The following IMPG2 variants were observed in gnomAD, a reference collection of about 807,000 sequenced individuals.
IMPG2 encodes the protein interphotoreceptor matrix proteoglycan 2.
Under a neutral mutation model 129.2 loss-of-function variants are expected in IMPG2, and 91 were observed. The observed-to-expected ratio is 0.70, with a 90% CI of 0.59 to 0.84. IMPG2 has a LOEUF of 0.84. Among genes scored for constraint, IMPG2 ranks in the 40% least tolerant of loss-of-function variants. The pLI, the probability that IMPG2 is intolerant of heterozygous loss-of-function variation, is 0.00. For missense variants in IMPG2, 1,430 were observed against 1,461.7 expected (o/e 0.98, Z 0.35); for synonymous variants, 510 against 517.7 (o/e 0.99, Z 0.20).
chr3:101,280,445 C>A (rs1706880368), intron 4 of IMPG2, among the ~76,000 whole-genome samples: 1 of 152,132 alleles, frequency 6.6e-6, no homozygotes, highest in South Asian at 2.1e-4. Context: ...AGGGAAATAC[C>A]TTAGTTGCTC....
At chr3:101,290,569 A>C (rs1312792926) in intron 4 of IMPG2, among the ~76,000 whole-genome samples, 1 of 152,132 alleles carries the variant, frequency 6.6e-6, no homozygotes, top group African/African-American at 2.4e-5. Context: ...CACTTGGCCC[A>C]TATTTAAGTA....
chr3:101,298,227 T>G (rs1281289665), intron 3 of IMPG2, among the ~76,000 whole-genome samples: 3 of 149,800 alleles, frequency 2.0e-5, no homozygotes, highest in Non-Finnish European at 4.5e-5. Flanking sequence ...CAACCCCTGC[T>G]TTTTTTTTTC....
In IMPG2 at chr3:101,297,096, G is replaced by T. The variant is rs775401793; in HGVS notation, c.502-5586C>A. Among the ~76,000 whole-genome samples, 89 of 152,028 alleles carry T rather than the reference G, an allele frequency of 5.9e-4. 2 individuals carry two copies. The highest frequency in any genetic ancestry group is 2.6e-4 in the Non-Finnish European group (18 of 68,004). ...GGCTAATTTTTTGTATTTTAGTAGAGACAGGGTTTCACCATGTTAGCCGGG... is the reference window on the plus strand; with the variant it reads ...GGCTAATTTTTTGTATTTTAGTAGATACAGGGTTTCACCATGTTAGCCGGG... On this transcript the variant is annotated intron_variant, in intron 3 of 18. Transcript: ENST00000193391.
intron 14 of IMPG2, among the ~76,000 whole-genome samples, chr3:101,239,019 A>T (rs1350372664): frequency 1.3e-5 from 2 of 152,222 alleles, no homozygotes; most frequent in African/African-American, 4.8e-5. Flanking sequence ...AAAGGGATGG[A>T]GGAAAATTTA....
intron 4 of IMPG2, among the ~76,000 whole-genome samples, chr3:101,284,730 A>G (rs1043912790): frequency 2.0e-5 from 3 of 152,204 alleles, no homozygotes; most frequent in African/African-American, 7.2e-5. Context: ...ACAGGATTTC[A>G]ATGCACTTCC....
chr3:101,229,434 C>G lies in IMPG2; in HGVS notation c.3579G>C (p.Gly1193=), dbSNP rs201595477. Residue 1193 remains glycine, a synonymous_variant, in exon 17 of 19, where the codon GGG becomes GGC. Coordinates refer to ENST00000193391, the MANE Select transcript of IMPG2 (RefSeq NM_016247.4). ...YSSASGDVIG[G]LSREEIRQMY... ...TCTGTCTGATTTCTTCTCTGCTCAG[C>G]CCACCAATCACGTCTCCGCTAGCAG... is the stretch of plus-strand genomic sequence containing the variant. 3.7e-6 allele frequency: 6 copies of G among 1,612,686 alleles called. No homozygotes were observed. The African/African-American group carries it at 4.0e-5, about 11-fold the overall frequency.
chr3:101,227,675 G>A lies in IMPG2; in HGVS notation c.3714-694C>T, dbSNP rs79494603. ...GGATTCTCTGGTTTAAAAGGCAGAC[G>A]CCTGGTGATATTGCTCTGGCTGCAT... On this transcript the variant is annotated intron_variant, in intron 18 of 18. Transcript: ENST00000193391. 383 of 395,682 alleles carry A rather than the reference G, an allele frequency of 9.7e-4. 2 individuals are homozygous for A. The highest frequency in any genetic ancestry group is 7.1e-3 in the African/African-American group (343 of 48,060). The allele number at this position is 395,682 out of a possible 1,614,324, so 24.5% of individuals were successfully genotyped here.
At chr3:101,242,931 T>C (rs1300772979) in intron 13 of IMPG2, 24 bp from the exon 14 acceptor site, 1 of 1,586,624 alleles carries the variant, frequency 6.3e-7, no homozygotes, top group Non-Finnish European at 8.7e-7. Context: ...AAGTGGTAAG[T>C]TTATTGACAG....
chr3:101,277,231 G>A (rs1366924377), intron 4 of IMPG2, among the ~76,000 whole-genome samples: 1 of 152,208 alleles, frequency 6.6e-6, no homozygotes, highest in Non-Finnish European at 1.5e-5. Context: ...CAGATGTTCT[G>A]TTGAACAGGA....
At chr3:101,298,611 A>G (rs961025853) in intron 3 of IMPG2, among the ~76,000 whole-genome samples, 9 of 152,138 alleles carry the variant, frequency 5.9e-5, no homozygotes, top group Non-Finnish European at 1.3e-4. Context: ...GAAATCTCTC[A>G]GTATTTGCTT....
rs957493862 is a variant in IMPG2 at position 101,225,493 on chromosome 3, C to G, written c.*1476G>C. The G allele has an allele frequency of 1.3e-5, 2 of 152,244 alleles. No individual in the cohort carries two copies. The highest frequency in any genetic ancestry group is 2.4e-5 in the African/African-American group (1 of 41,448). 9.4% of individuals were successfully genotyped at this position (152,244 alleles called of 1,614,324 possible). A position where few individuals can be genotyped will look rare whatever the true frequency, so the allele number is the denominator to read the frequency against. On this transcript the variant is annotated 3_prime_UTR_variant, in exon 19 of 19. Coordinates refer to ENST00000193391, the MANE Select transcript of IMPG2 (RefSeq NM_016247.4). The stretch of plus-strand genomic sequence containing the variant: ...GCAAAATACCTGGCCATCTTCAAGG[C>G]TTTCACTAGCTTTACTGTGGCATGC...
intron 9 of IMPG2, among the ~76,000 whole-genome samples, chr3:101,266,692 T>C (rs769179509): frequency 3.9e-5 from 6 of 152,172 alleles, no homozygotes; most frequent in Admixed American, 6.5e-5. Flanking sequence ...CCAGCCATTG[T>C]TGAGATGATG....
chr3:101,307,620 C>A (rs1707218720), intron 2 of IMPG2, among the ~76,000 whole-genome samples: 1 of 152,130 alleles, frequency 6.6e-6, no homozygotes. Flanking sequence ...GGGAACAACT[C>A]CCATAATCTA....
At chr3:101,300,903 T>C (rs536084809) in intron 3 of IMPG2, among the ~76,000 whole-genome samples, 16 of 152,280 alleles carry the variant, frequency 1.1e-4, no homozygotes, top group Non-Finnish European at 1.9e-4. Context: ...ATCTCAGTTT[T>C]TGACATACTT....
At position 101,276,696 on chromosome 3, in the gene IMPG2, G is replaced by A. The variant is rs1706843664; in HGVS notation, c.551C>T (p.Pro184Leu). ...ETVSSSELSS[P>L]VPVGDTSTLG... ...TGTTGAAGTATCACCAACAGGAACTGGAGAAGACAGTTCAGAGCTAGAAAA... is the reference window on the plus strand; with the variant it reads ...TGTTGAAGTATCACCAACAGGAACTAGAGAAGACAGTTCAGAGCTAGAAAA... The change falls in exon 5 of 19, where the codon CCA becomes CTA. Residue 184 changes from proline to leucine, a missense_variant. Transcript: ENST00000193391. 1.2e-6 allele frequency: 2 copies of A among 1,609,704 alleles called. No homozygotes were observed. The highest frequency in any genetic ancestry group is 1.7e-4 in the Middle Eastern group (1 of 6,022).
chr3:101,276,995 A>C (rs1223946193), intron 4 of IMPG2, among the ~76,000 whole-genome samples: 1 of 152,188 alleles, frequency 6.6e-6, no homozygotes, highest in Non-Finnish European at 1.5e-5. Context: ...CACTATGTGA[A>C]ATTTTATTTA....
At chr3:101,315,766 C>G (rs898998219) in intron 2 of IMPG2, among the ~76,000 whole-genome samples, 4 of 151,720 alleles carry the variant, frequency 2.6e-5, no homozygotes, top group Non-Finnish European at 4.4e-5. Flanking sequence ...TTCAGCAGCC[C>G]TTTTGTAAAA....
At chr3:101,272,453 C>T (rs538430258) in intron 7 of IMPG2, among the ~76,000 whole-genome samples, 1 of 152,332 alleles carries the variant, frequency 6.6e-6, no homozygotes, top group South Asian at 2.1e-4. Context: ...CTACCTACCT[C>T]ATCAAGTCCT....
At chr3:101,258,859 A>G (rs1706640690) in intron 9 of IMPG2, among the ~76,000 whole-genome samples, 1 of 152,162 alleles carries the variant, frequency 6.6e-6, no homozygotes, top group African/African-American at 2.4e-5. Flanking sequence ...TCTAACTAAA[A>G]GCTAACAGTT....
Sources: gnomAD v4.1 joint callset for allele counts (sites outside exome capture counted in the v4.1 genomes callset) on GRCh38, gnomAD v4.1.1 for gene constraint, MANE v1.5 for transcripts, NCBI Gene and HGNC (gene_info 2026-07-23, HGNC 2026-07-21) for gene names.